ENOSF1: variants seen among roughly 807,000 people sequenced by gnomAD.
The protein encoded by ENOSF1 is mitochondrial enolase superfamily member 1.
A neutral mutation model predicts 68.2 loss-of-function variants in ENOSF1; 73 were observed. The ratio of observed to expected loss-of-function variants is 1.07; its 90% CI spans 0.89 to 1.30. The LOEUF is 1.30. Ranked by LOEUF, ENOSF1 falls within the 50% of genes most tolerant of loss-of-function variation. The pLI, the probability that ENOSF1 is intolerant of heterozygous loss-of-function variation, is 0.00. For missense variants in ENOSF1, 589 were observed against 554.5 expected (o/e 1.06, Z -0.62); for synonymous variants, 223 against 210.4 (o/e 1.06, Z -0.52).
downstream of ENOSF1, chr18:667,625 G>GTGA (rs1413825235): frequency 2.7e-5 from 4 of 149,878 alleles, 1 homozygote; most frequent in African/African-American, 9.9e-5. Flanking sequence ...ATGGGTGATG[G>GTGA]TGATGGTTGC....
intron 15 of ENOSF1, 109 bp downstream of exon 15, chr18:675,212 T>C (rs1163938066): frequency 4.8e-6 from 4 of 834,970 alleles, no homozygotes; most frequent in Admixed American, 2.0e-5. Flanking sequence ...TAGTGGATAT[T>C]GCAAACAAAC....
rs561714598 is a variant in ENOSF1 at position 694,641 on chromosome 18, AAG to A, written c.310-309_310-308del. On this transcript the variant is annotated intron_variant, in intron 3 of 15. Coordinates refer to ENST00000647584, the MANE Select transcript of ENOSF1 (RefSeq NM_017512.7). Reference sequence around the variant, plus strand: ...AGACTCTGTCTCAAAAAAAAAAAAAAAGAGAGAGAGAGAAAGATATTTAGGTC... The same window carrying A: ...AGACTCTGTCTCAAAAAAAAAAAAAAAGAGAGAGAGAAAGATATTTAGGTC... 5.3e-4 allele frequency among the ~76,000 whole-genome samples: 80 copies of A among 151,886 alleles called. 1 individual carries two copies. Among genetic ancestry groups the A allele is most frequent in the Admixed American group, 1.2e-3 (18 of 15,268 alleles).
chr18:675,407 G>A lies in ENOSF1; in HGVS notation c.1149-5C>T. 2 of 1,611,750 alleles carry A rather than the reference G, an allele frequency of 1.2e-6. No homozygotes were observed. Among genetic ancestry groups the A allele is most frequent in the Non-Finnish European group, 1.7e-6 (2 of 1,179,090 alleles). ...TGGTCAACATACTCACACACCCTAGGAGGAGGGAATCAGATCGGGGCAATG... is the reference window on the plus strand; with the variant it reads ...TGGTCAACATACTCACACACCCTAGAAGGAGGGAATCAGATCGGGGCAATG... On this transcript the variant is annotated splice_polypyrimidine_tract_variant and splice_region_variant and intron_variant, in intron 14 of 15. Coordinates refer to ENST00000647584, the MANE Select transcript of ENOSF1 (RefSeq NM_017512.7).
chr18:694,165 G>T, intron 4 of ENOSF1, 83 bp downstream of exon 4: 2 of 1,375,538 alleles, frequency 1.5e-6, no homozygotes, highest in Non-Finnish European at 2.0e-6. Context: ...GGGCTGCAGT[G>T]TGTCTGTCTT....
chr18:700,443 T>A (rs1240573206), intron 2 of ENOSF1, among the ~76,000 whole-genome samples: 2 of 152,248 alleles, frequency 1.3e-5, no homozygotes, highest in Non-Finnish European at 2.9e-5. Flanking sequence ...CTGGTTCATG[T>A]CACAATACCA....
chr18:679,208 C>CT (rs71174268), intron 11 of ENOSF1, among the ~76,000 whole-genome samples: 28,182 of 123,592 alleles, frequency 0.23, 3,631 homozygotes, highest in African/African-American at 0.26. Context: ...CCTCTCATAT[C>CT]TTTTTTTTTT....
At chr18:696,471 A>G (rs956079328) in intron 3 of ENOSF1, among the ~76,000 whole-genome samples, 5 of 151,902 alleles carry the variant, frequency 3.3e-5, no homozygotes. Context: ...TTGGCCTCCC[A>G]AAGTGCTGGG....
intron 2 of ENOSF1, among the ~76,000 whole-genome samples, chr18:702,512 C>T (rs2981291): frequency 0.62 from 94,077 of 151,498 alleles, 29,651 homozygotes; most frequent in African/African-American, 0.76. Flanking sequence ...GAGGTGGAGG[C>T]TGCAGTGAGC....
In ENOSF1 at chr18:701,756, C is replaced by CAAA. The variant is rs71174274; in HGVS notation, c.194-4404_194-4402dup. Among the ~76,000 whole-genome samples, 137 of 136,970 alleles carry CAAA rather than the reference C, an allele frequency of 1.0e-3. 7 individuals are homozygous for CAAA. The highest frequency in any genetic ancestry group is 1.7e-3 in the African/African-American group (64 of 37,174). The allele number at this position is 136,970 out of a possible 152,430, so 89.9% of individuals were successfully genotyped here. ...TGGGTGACAGAGCGAGACTCCATCT[C>CAAA]AAAAAAAAAAAAAAATTAGCTGGCG... On this transcript the variant is annotated intron_variant, in intron 2 of 15. Transcript: ENST00000647584.
chr18:664,689 C>T, the ENOSF1 span, among the ~76,000 whole-genome samples: 80,471 of 147,746 alleles, frequency 0.54, 23,456 homozygotes, highest in African/African-American at 0.77. Flanking sequence ...TGAAATATGT[C>T]CCATCAATAC....
At chr18:694,448 T>C in intron 3 of ENOSF1, 114 bp from the exon 4 acceptor site, 5 of 874,860 alleles carry the variant, frequency 5.7e-6, no homozygotes, top group Non-Finnish European at 3.6e-6. Context: ...CTGGCCAACA[T>C]GGTGAAACCC....
At chr18:674,511 G>C (rs2075274025) in intron 15 of ENOSF1, 105 bp from the exon 16 acceptor site, 11 of 718,500 alleles carry the variant, frequency 1.5e-5, no homozygotes. Flanking sequence ...CTAAGCCAGA[G>C]GCAATTAATT....
chr18:667,239 A>ATGGT (rs2074859819), downstream of ENOSF1, among the ~76,000 whole-genome samples: 2 of 13,446 alleles, frequency 1.5e-4, 1 homozygote, highest in African/African-American at 1.4e-3. Context: ...ATGGAGATGG[A>ATGGT]GATGGTGATG....
At chr18:692,634 GAAAA>G (rs2077309932) in intron 5 of ENOSF1, 4 of 319,864 alleles carry the variant, frequency 1.3e-5, no homozygotes, top group Non-Finnish European at 1.6e-5. Context: ...AAAGAAAAAA[GAAAA>G]GAGTACTGGC....
intron 3 of ENOSF1, among the ~76,000 whole-genome samples, chr18:696,563 T>C (rs769446514): frequency 8.5e-5 from 13 of 152,058 alleles, no homozygotes; most frequent in Non-Finnish European, 1.8e-4. Flanking sequence ...CATAAAGAGA[T>C]TGCCCATTTA....
At chr18:692,557 A>T in intron 5 of ENOSF1, 1 of 295,862 alleles carries the variant, frequency 3.4e-6, no homozygotes, top group Non-Finnish European at 5.0e-6. Flanking sequence ...AGATCATGCC[A>T]CTGTACTGTA....
intron 1 of ENOSF1, among the ~76,000 whole-genome samples, chr18:710,085 T>C (rs912839132): frequency 1.3e-5 from 2 of 152,118 alleles, no homozygotes; most frequent in Admixed American, 1.3e-4. Flanking sequence ...AGAGGCAAAT[T>C]CCATTTCTTG....
intron 1 of ENOSF1, 27 bp from the exon 2 acceptor site, chr18:706,605 A>G: frequency 6.5e-7 from 1 of 1,546,108 alleles, no homozygotes; most frequent in Middle Eastern, 1.7e-4. Context: ...CCCCGCCGAA[A>G]CAATGCCAGT....
chr18:692,974 T>C (rs2077354982), intron 5 of ENOSF1: 16 of 1,177,820 alleles, frequency 1.4e-5, no homozygotes, highest in Admixed American at 3.6e-5. Flanking sequence ...AGGGCCTTCA[T>C]TTGTGGATCA....
Sources: gnomAD v4.1 joint callset for allele counts (sites outside exome capture counted in the v4.1 genomes callset) on GRCh38, gnomAD v4.1.1 for gene constraint, MANE v1.5 for transcripts, NCBI Gene and HGNC (gene_info 2026-07-23, HGNC 2026-07-21) for gene names.